NBDY: variants seen among roughly 807,000 people sequenced by gnomAD.
NBDY encodes negative regulator of P-body association.
intron 2 of NBDY, among the ~76,000 whole-genome samples, chrX:56,788,149 G>T (rs1346837011): frequency 8.9e-6 from 1 of 112,702 alleles, no homozygotes; most frequent in East Asian, 2.8e-4. Context: ...CAGGCTACTG[G>T]TCCTTGGTGC....
chrX:56,765,137 G>T (rs2069659141), intron 2 of NBDY, among the ~76,000 whole-genome samples: 1 of 111,737 alleles, frequency 8.9e-6, no homozygotes, highest in South Asian at 3.7e-4. Flanking sequence ...CTGGGCGCGG[G>T]GACACCGTTA....
chrX:56,819,097 G>T lies in NBDY; in HGVS notation c.*1944G>T, dbSNP rs745823373. The T allele has an allele frequency of 2.7e-5, 3 of 109,956 alleles. No individual in the cohort carries two copies. The East Asian group carries it at 8.5e-4, about 31-fold the overall frequency. The allele number at this position is 109,956 out of a possible 1,213,427, so 9.1% of individuals were successfully genotyped here. ...ATAAGGGTTACACTATAAAACTCTT[G>T]GGAGGAAATATAGAATAAATTTTTG... On this transcript the variant is annotated 3_prime_UTR_variant, in exon 3 of 3. Transcript: ENST00000374922.
At chrX:56,789,771 G>A (rs1228219152) in intron 2 of NBDY, among the ~76,000 whole-genome samples, 1 of 111,422 alleles carries the variant, frequency 9.0e-6, no homozygotes, top group Non-Finnish European at 1.9e-5. Flanking sequence ...AGAGCCACTT[G>A]TCATGTCTTA....
At chrX:56,805,990 G>GC (rs2069847574) in intron 2 of NBDY, among the ~76,000 whole-genome samples, 1 of 110,337 alleles carries the variant, frequency 9.1e-6, no homozygotes, top group African/African-American at 3.3e-5. Flanking sequence ...CCCATGACAG[G>GC]CCCCGGTGTG....
intron 2 of NBDY, among the ~76,000 whole-genome samples, chrX:56,760,942 G>A (rs5914784): frequency 0.017 from 1,862 of 111,300 alleles, 15 homozygotes; most frequent in Non-Finnish European, 0.025. Context: ...ACAGGGTGGC[G>A]GGTGTGTGGG....
chrX:56,781,798 C>A (rs1007067943), intron 2 of NBDY, among the ~76,000 whole-genome samples: 19 of 111,892 alleles, frequency 1.7e-4, no homozygotes, highest in African/African-American at 6.2e-4. Flanking sequence ...GTTGGCATTT[C>A]CTTATTCTTT....
At chrX:56,788,478 G>A (rs1357445314) in intron 2 of NBDY, among the ~76,000 whole-genome samples, 1 of 112,767 alleles carries the variant, frequency 8.9e-6, no homozygotes, top group East Asian at 2.8e-4. Context: ...CTTGGCCTGG[G>A]CTCATTCCCA....
At chrX:56,794,675 G>A (rs966559990) in intron 2 of NBDY, among the ~76,000 whole-genome samples, 1 of 111,440 alleles carries the variant, frequency 9.0e-6, no homozygotes, top group East Asian at 2.8e-4. Flanking sequence ...GGAGGGGTGT[G>A]TGGGTGAGTG....
chrX:56,753,533 G>A (rs2146719679), intron 2 of NBDY, among the ~76,000 whole-genome samples: 1 of 111,567 alleles, frequency 9.0e-6, no homozygotes, highest in African/African-American at 3.3e-5. Context: ...TGAAGCCATG[G>A]GAAAGTGTAT....
intron 2 of NBDY, among the ~76,000 whole-genome samples, chrX:56,803,140 C>A (rs2069832730): frequency 3.6e-5 from 4 of 110,702 alleles, no homozygotes; most frequent in Admixed American, 2.9e-4. Context: ...GTGGGGCCCC[C>A]AGGCTGAAGC....
At chrX:56,767,534 G>A (rs1313676634) in intron 2 of NBDY, among the ~76,000 whole-genome samples, 1 of 112,822 alleles carries the variant, frequency 8.9e-6, no homozygotes, top group Non-Finnish European at 1.9e-5. Context: ...CCGCGCTTGC[G>A]GGCCACCGGG....
intron 2 of NBDY, among the ~76,000 whole-genome samples, chrX:56,736,525 C>A (rs748877534): frequency 6.2e-5 from 7 of 112,228 alleles, no homozygotes; most frequent in Non-Finnish European, 1.1e-4. Context: ...CTCGGCCTCC[C>A]AAAGTGCTGG....
intron 2 of NBDY, among the ~76,000 whole-genome samples, chrX:56,782,581 T>C (rs1385310321): frequency 8.9e-6 from 1 of 112,059 alleles, no homozygotes; most frequent in Admixed American, 9.4e-5. Context: ...ACATGTTGCT[T>C]TTAAGTGAAA....
intron 2 of NBDY, among the ~76,000 whole-genome samples, chrX:56,751,506 G>C (rs757658416): frequency 9.0e-6 from 1 of 111,707 alleles, no homozygotes; most frequent in Non-Finnish European, 1.9e-5. Context: ...TTTGTTTCTA[G>C]GTTTTTGCTT....
intron 2 of NBDY, among the ~76,000 whole-genome samples, chrX:56,735,877 T>A (rs941754516): frequency 5.5e-5 from 6 of 109,352 alleles, no homozygotes; most frequent in African/African-American, 2.0e-4. Flanking sequence ...AGTGATTTAG[T>A]TGTCTTGAAC....
chrX:56,796,675 T>G (rs750371168), intron 2 of NBDY, among the ~76,000 whole-genome samples: 3 of 111,399 alleles, frequency 2.7e-5, no homozygotes, highest in South Asian at 3.8e-4. Context: ...CCTCTCTTTT[T>G]GGGGGTCCTT....
In NBDY at chrX:56,805,282, G is replaced by A. The variant is rs1226404904; in HGVS notation, c.*167-12038G>A. ...CAGGAAGATCTGGACAGAGTTCTTCGGGGTGGCATTGGGAGTCTGAATGTC... is the reference window on the plus strand; with the variant it reads ...CAGGAAGATCTGGACAGAGTTCTTCAGGGTGGCATTGGGAGTCTGAATGTC... On this transcript the variant is annotated intron_variant, in intron 2 of 2. Transcript: ENST00000374922. Among the ~76,000 whole-genome samples, 9 of 112,588 alleles carry A rather than the reference G, an allele frequency of 8.0e-5. No individual in the cohort carries two copies. In the South Asian group the frequency reaches 2.2e-3, roughly 28 times the overall value.
Position 56,810,085 on chromosome X carries a change from C to T in NBDY, c.*167-7235C>T, listed in dbSNP as rs1254793987. Among the ~76,000 whole-genome samples the T allele has an allele frequency of 2.7e-5, 3 of 111,944 alleles. No individual in the cohort carries two copies. In the Admixed American group the frequency reaches 2.8e-4, roughly 11 times the overall value. On this transcript the variant is annotated intron_variant, in intron 2 of 2. Transcript: ENST00000374922. ...TAAGAATGTTGAATATTGGCCCCCA[C>T]TCTTTTCTGGCTTGTAGGGTTTCTC...
intron 2 of NBDY, among the ~76,000 whole-genome samples, chrX:56,765,819 G>T (rs1173600869): frequency 1.9e-5 from 2 of 102,841 alleles, no homozygotes; most frequent in African/African-American, 3.6e-5. Context: ...CTTCTCCTTT[G>T]CCTCTTTTTC....
Sources: allele counts gnomAD v4.1 joint callset (sites outside exome capture counted in the v4.1 genomes callset), GRCh38; gene constraint gnomAD v4.1.1; transcripts MANE v1.5; gene names NCBI Gene and HGNC (gene_info 2026-07-23, HGNC 2026-07-21).